Variants in UBE2G1 observed in about 807,000 individuals in gnomAD.
The protein encoded by UBE2G1 is ubiquitin conjugating enzyme E2 G1, also known as ubiquitin-conjugating enzyme E2 G1.
Under a neutral mutation model 22.7 loss-of-function variants are expected in UBE2G1, and 5 were observed. The observed-to-expected ratio is 0.22, with a 90% CI of 0.12 to 0.46. The LOEUF (loss-of-function observed/expected upper bound fraction) is 0.46, where lower values mean the gene tolerates loss of function less well. Ranked by LOEUF, UBE2G1 falls within the 20% of genes least tolerant of loss-of-function variation. The probability of loss-of-function intolerance (pLI) is 0.99; values close to 1 mark genes in which losing one functional copy is unlikely to be tolerated. For missense variants in UBE2G1, 88 were observed against 203.9 expected (o/e 0.43, Z 3.46); for synonymous variants, 74 against 67.5 (o/e 1.10, Z -0.47).
intron 3 of UBE2G1, among the ~76,000 whole-genome samples, chr17:4,294,236 T>G (rs1397254809): frequency 6.6e-6 from 1 of 151,866 alleles, no homozygotes; most frequent in Non-Finnish European, 1.5e-5. Flanking sequence ...TCCAACATGG[T>G]GAAACCCCGA....
intron 1 of UBE2G1, among the ~76,000 whole-genome samples, chr17:4,328,700 C>T (rs557201022): frequency 9.2e-5 from 14 of 152,262 alleles, no homozygotes; most frequent in African/African-American, 1.2e-4. Context: ...AACCTAAGCA[C>T]GTAGAAAATT....
chr17:4,315,576 C>T (rs937708356), intron 1 of UBE2G1, among the ~76,000 whole-genome samples: 2 of 150,748 alleles, frequency 1.3e-5, no homozygotes, highest in Admixed American at 6.6e-5. Flanking sequence ...CCGTCTCTAC[C>T]AAAAATACAA....
At chr17:4,330,754 T>TTTTA (rs975291029) in intron 1 of UBE2G1, among the ~76,000 whole-genome samples, 4 of 151,308 alleles carry the variant, frequency 2.6e-5, no homozygotes, top group South Asian at 2.1e-4. Flanking sequence ...ATAAAATATA[T>TTTTA]TTTATTTATT....
chr17:4,283,025 C>T (rs1968913191), intron 4 of UBE2G1, 104 bp from the exon 5 acceptor site: 1 of 949,328 alleles, frequency 1.1e-6, no homozygotes, highest in Admixed American at 2.6e-5. Context: ...GATTTGTACA[C>T]TTCAGAAACA....
chr17:4,290,304 C>CT (rs1969018452), intron 3 of UBE2G1, among the ~76,000 whole-genome samples: 1 of 152,288 alleles, frequency 6.6e-6, no homozygotes, highest in African/African-American at 2.4e-5. Context: ...CCTATATAGT[C>CT]TAACAAATTT....
chr17:4,284,062 T>C (rs1230832290), intron 4 of UBE2G1, among the ~76,000 whole-genome samples: 1 of 147,666 alleles, frequency 6.8e-6, no homozygotes, highest in Non-Finnish European at 1.5e-5. Context: ...GAAGCTGAGG[T>C]GGGAGAATCG....
At chr17:4,301,456 G>A in intron 2 of UBE2G1, 1 of 736,066 alleles carries the variant, frequency 1.4e-6, no homozygotes, top group Non-Finnish European at 2.5e-6. Flanking sequence ...GGCTTCAGCA[G>A]CTATTTTTGC....
intron 1 of UBE2G1, among the ~76,000 whole-genome samples, chr17:4,346,506 C>G (rs1969776061): frequency 6.7e-6 from 1 of 148,544 alleles, no homozygotes; most frequent in South Asian, 2.1e-4. Flanking sequence ...GCGATCTCGG[C>G]TCACTGCAAC....
chr17:4,339,984 A>G (rs957943612), intron 1 of UBE2G1, among the ~76,000 whole-genome samples: 14 of 152,238 alleles, frequency 9.2e-5, no homozygotes, highest in African/African-American at 3.4e-4. Context: ...CACGGGCTGG[A>G]GTGCAGTGGT....
chr17:4,284,573 C>A (rs1968935666), intron 4 of UBE2G1, among the ~76,000 whole-genome samples: 1 of 151,828 alleles, frequency 6.6e-6, no homozygotes, highest in Admixed American at 6.6e-5. Flanking sequence ...TGCATTCCAG[C>A]CTGGGCGACA....
At chr17:4,320,401 T>C (rs571833542) in intron 1 of UBE2G1, among the ~76,000 whole-genome samples, 3 of 152,356 alleles carry the variant, frequency 2.0e-5, no homozygotes, top group Admixed American at 2.0e-4. Context: ...TGTCTATCTA[T>C]AGGTCAATAA....
chr17:4,279,969 T>C (rs1481506479), intron 5 of UBE2G1, among the ~76,000 whole-genome samples: 1 of 151,660 alleles, frequency 6.6e-6, no homozygotes. Context: ...CATGAAACGA[T>C]ATGCAATTTC....
chr17:4,293,362 C>G (rs1969067156), intron 3 of UBE2G1, among the ~76,000 whole-genome samples: 1 of 152,112 alleles, frequency 6.6e-6, no homozygotes, highest in South Asian at 2.1e-4. Context: ...TAATTCATTT[C>G]TTTTTATTGC....
Position 4,271,261 on chromosome 17 carries a change from C to A in UBE2G1, c.*1293G>T, listed in dbSNP as rs1968756485. 6.6e-6 allele frequency: 1 copy of A among 152,578 alleles called. No homozygotes were observed. The highest frequency in any genetic ancestry group is 2.1e-4 in the South Asian group (1 of 4,822). 9.5% of individuals were successfully genotyped at this position (152,578 alleles called of 1,614,324 possible). On this transcript the variant is annotated 3_prime_UTR_variant, in exon 6 of 6. Coordinates refer to ENST00000396981, the MANE Select transcript of UBE2G1 (RefSeq NM_003342.5). ...TTTACCCCTGTAATGCTTTTAGATT[C>A]ACAGAAGAATCTAGATAGAACCAAA... is the stretch of plus-strand genomic sequence containing the variant.
At chr17:4,340,714 G>A (rs1158767401) in intron 1 of UBE2G1, among the ~76,000 whole-genome samples, 1 of 151,916 alleles carries the variant, frequency 6.6e-6, no homozygotes, top group Non-Finnish European at 1.5e-5. Context: ...AAATTATCCA[G>A]TCTCGGGCAG....
rs372843365 is a variant in UBE2G1, at chr17:4,341,706, C to T, written c.46+24565G>A. Among the ~76,000 whole-genome samples, 58 of 152,318 alleles carry T rather than the reference C, an allele frequency of 3.8e-4. No homozygotes were observed. The South Asian group carries it at 0.011, about 29-fold the overall frequency. On this transcript the variant is annotated intron_variant, in intron 1 of 5. Transcript: ENST00000396981. Reference sequence around the variant, plus strand: ...CTTCATTCCTTATCTCCACTTGCTGCTCTCCTTCCATTCTCTCAGGCTCAT... The same window carrying T: ...CTTCATTCCTTATCTCCACTTGCTGTTCTCCTTCCATTCTCTCAGGCTCAT...
At chr17:4,274,724 A>G (rs1968801872) in intron 5 of UBE2G1, among the ~76,000 whole-genome samples, 1 of 152,218 alleles carries the variant, frequency 6.6e-6, no homozygotes, top group South Asian at 2.1e-4. Flanking sequence ...ATGCACATAC[A>G]TATTTTTATT....
chr17:4,282,917 T>A lies in UBE2G1; in HGVS notation c.431A>T (p.Glu144Val). 1 of 1,612,604 alleles carries A rather than the reference T, an allele frequency of 6.2e-7. No homozygotes were observed. The highest frequency in any genetic ancestry group is 8.5e-7 in the Non-Finnish European group (1 of 1,179,402). Residue 144 changes from glutamate (E) to valine (V), a missense_variant, in exon 5 of 6, where the codon GAA becomes GTA. Physicochemically the swap from Glu to Val is moderately radical, Grantham distance 121. Around this residue, in one of 2 missense-constraint regions of UBE2G1, gnomAD observed 38 missense variants for 132.9 expected, o/e 0.29. Transcript: ENST00000396981. The part of the protein sequence containing the change: ...DSPANVDAAK[E>V]WREDRNGEFK... ...TTCTCCATTTCTATCTTCCCTCCAT[T>A]CTTTCTGTAGATTAAAAAAGCAGTA... is the stretch of plus-strand genomic sequence containing the variant.
Position 4,320,013 on chromosome 17 carries a change from C to CGT in UBE2G1, c.47-12892_47-12891dup, listed in dbSNP as rs558575785. 2.8e-3 allele frequency among the ~76,000 whole-genome samples: 425 copies of CGT among 150,362 alleles called. 2 individuals carry two copies. The highest frequency in any genetic ancestry group is 0.011 in the South Asian group (52 of 4,750). On this transcript the variant is annotated intron_variant, in intron 1 of 5. Transcript: ENST00000396981. ...TATGCTGTCATTGCCAAGTGGCACACGTGTGTGTGTGTGTGTATTATTTTC... is the reference window on the plus strand; with the variant it reads ...TATGCTGTCATTGCCAAGTGGCACACGTGTGTGTGTGTGTGTGTATTATTTTC...
Sources: allele counts gnomAD v4.1 joint callset (sites outside exome capture counted in the v4.1 genomes callset), GRCh38; gene constraint gnomAD v4.1.1; regional missense constraint gnomAD v4.1.1; transcripts MANE v1.5; gene names NCBI Gene and HGNC (gene_info 2026-07-23, HGNC 2026-07-21).